SKIC3: variants seen among roughly 807,000 people sequenced by gnomAD.
The protein encoded by SKIC3 is SKI3 subunit of superkiller complex, also known as superkiller complex protein 3.
chr5:95,513,615 C>A, the SKIC3 span: 2 of 1,613,728 alleles, frequency 1.2e-6, no homozygotes. Flanking sequence ...TCCATGGTGT[C>A]ATAACTTCCA....
the SKIC3 span, among the ~76,000 whole-genome samples, chr5:95,478,135 A>G: frequency 3.3e-5 from 5 of 152,316 alleles, no homozygotes; most frequent in East Asian, 7.7e-4. Flanking sequence ...CTCTATGTCC[A>G]TCACAAACCC....
At chr5:95,470,060 C>G in the SKIC3 span, 1 of 926,760 alleles carries the variant, frequency 1.1e-6, no homozygotes, top group Non-Finnish European at 1.6e-6. Context: ...CACTTGCAAG[C>G]TCTGCCTCCC....
the SKIC3 span, among the ~76,000 whole-genome samples, chr5:95,468,713 G>A: frequency 0.012 from 1,898 of 152,242 alleles, 42 homozygotes; most frequent in African/African-American, 0.044. Flanking sequence ...TTTGCAGAGG[G>A]ATCACGTAGT....
the SKIC3 span, chr5:95,521,387 C>T: frequency 6.6e-6 from 1 of 152,220 alleles, no homozygotes; most frequent in South Asian, 2.1e-4. Context: ...TTCAGCAGCA[C>T]ATATACCAAA....
chr5:95,486,326 C>T, the SKIC3 span, among the ~76,000 whole-genome samples: 21 of 152,278 alleles, frequency 1.4e-4, no homozygotes, highest in Non-Finnish European at 2.6e-4. Flanking sequence ...TAAGGAGCAG[C>T]CATGCATATT....
the SKIC3 span, among the ~76,000 whole-genome samples, chr5:95,465,126 C>T: frequency 1.3e-5 from 2 of 151,886 alleles, no homozygotes; most frequent in Admixed American, 6.6e-5. Flanking sequence ...TGGGGTTTCA[C>T]CATGTTGGCC....
the SKIC3 span, among the ~76,000 whole-genome samples, chr5:95,521,694 T>G: frequency 6.6e-6 from 1 of 152,104 alleles, no homozygotes; most frequent in Non-Finnish European, 1.5e-5. Flanking sequence ...TTAATGAGCT[T>G]GTATAACTTA....
At chr5:95,514,291 T>C in the SKIC3 span, among the ~76,000 whole-genome samples, 3 of 151,928 alleles carry the variant, frequency 2.0e-5, no homozygotes, top group Non-Finnish European at 4.4e-5. Flanking sequence ...AAAAGTGATA[T>C]GCTAAGGTAA....
At chr5:95,511,307 G>A in the SKIC3 span, among the ~76,000 whole-genome samples, 1 of 152,194 alleles carries the variant, frequency 6.6e-6, no homozygotes, top group Admixed American at 6.5e-5. Flanking sequence ...CCTGCTAATC[G>A]GAAGGCTAAG....
At chr5:95,546,973 G>T in the SKIC3 span, 1 of 1,355,636 alleles carries the variant, frequency 7.4e-7, no homozygotes, top group Non-Finnish European at 1.0e-6. Flanking sequence ...TTTGCTGTTT[G>T]GACAGGAAAT....
chr5:95,502,672 A>G, the SKIC3 span, among the ~76,000 whole-genome samples: 1 of 152,226 alleles, frequency 6.6e-6, no homozygotes, highest in Non-Finnish European at 1.5e-5. Context: ...AGTAATGGAC[A>G]GTTTCGAAGA....
chr5:95,479,289 G>A, the SKIC3 span, among the ~76,000 whole-genome samples: 1 of 152,124 alleles, frequency 6.6e-6, no homozygotes, highest in East Asian at 1.9e-4. Flanking sequence ...GTTGAAAATT[G>A]CAAAACAATG....
At chr5:95,469,874 G>A in the SKIC3 span, 2 of 1,613,966 alleles carry the variant, frequency 1.2e-6, no homozygotes, top group Non-Finnish European at 1.7e-6. Flanking sequence ...GTAGCCTCTT[G>A]AACCAAAGAT....
At chr5:95,512,934 T>G in the SKIC3 span, 2 of 311,152 alleles carry the variant, frequency 6.4e-6, no homozygotes. Flanking sequence ...AAATGAATTC[T>G]ACAACATTTT....
At chr5:95,504,324 C>A in the SKIC3 span, among the ~76,000 whole-genome samples, 1 of 149,574 alleles carries the variant, frequency 6.7e-6, no homozygotes. Flanking sequence ...CAAGACAGAA[C>A]AAGACTGGTC....
the SKIC3 span, among the ~76,000 whole-genome samples, chr5:95,491,690 G>A: frequency 1.3e-5 from 2 of 152,216 alleles, no homozygotes; most frequent in South Asian, 2.1e-4. Flanking sequence ...TATGCATAAC[G>A]ACTTCTCTTT....
At chr5:95,545,206 A>C in the SKIC3 span, among the ~76,000 whole-genome samples, 1 of 152,138 alleles carries the variant, frequency 6.6e-6, no homozygotes, top group Non-Finnish European at 1.5e-5. Context: ...GTGCTGAAGG[A>C]AACAGTCCTT....
the SKIC3 span, chr5:95,467,802 C>G: frequency 6.2e-7 from 1 of 1,600,972 alleles, no homozygotes; most frequent in Non-Finnish European, 8.5e-7. Flanking sequence ...ACCCTTAGAT[C>G]AAAGATAAAA....
At chr5:95,512,438 T>C in the SKIC3 span, 6 of 1,588,642 alleles carry the variant, frequency 3.8e-6, no homozygotes, top group Non-Finnish European at 5.2e-6. Flanking sequence ...ATTTCAATAG[T>C]TGCTCAAATA....
Sources: allele counts gnomAD v4.1 joint callset (sites outside exome capture counted in the v4.1 genomes callset), GRCh38; gene constraint gnomAD v4.1.1; transcripts MANE v1.5; gene names NCBI Gene and HGNC (gene_info 2026-07-23, HGNC 2026-07-21).